The following NTRK2 variants were observed in gnomAD, a reference collection of about 807,000 sequenced individuals.
NTRK2 encodes the protein neurotrophic receptor tyrosine kinase 2, also known as BDNF/NT-3 growth factors receptor.
A neutral mutation model predicts 94.5 loss-of-function variants in NTRK2; 13 were observed. The ratio of observed to expected loss-of-function variants is 0.14; its 90% CI spans 0.09 to 0.22. The LOEUF is 0.22. NTRK2 is among the 10% of genes least tolerant of loss of function. The probability of loss-of-function intolerance (pLI) is 1.00; values close to 1 mark genes in which losing one functional copy is unlikely to be tolerated. For synonymous variants in NTRK2, 372 were observed against 407.4 expected (o/e 0.91, Z 1.05); for missense variants, 639 against 1,071.2 (o/e 0.60, Z 5.63).
intron 12 of NTRK2, 100 bp from the exon 13 acceptor site, chr9:84,860,940 G>T (rs965013919): frequency 7.2e-6 from 4 of 555,910 alleles, no homozygotes; most frequent in South Asian, 3.0e-5. Context: ...TATTTTTGTC[G>T]GGGGGAGTTT....
At chr9:84,735,143 G>A (rs557847681) in intron 9 of NTRK2, among the ~76,000 whole-genome samples, 19 of 152,202 alleles carry the variant, frequency 1.2e-4, no homozygotes, top group African/African-American at 4.3e-4. Flanking sequence ...CCTTGAGGCT[G>A]GGAGTTCCAG....
chr9:84,708,956 G>A (rs2061270853), intron 5 of NTRK2, among the ~76,000 whole-genome samples: 1 of 152,160 alleles, frequency 6.6e-6, no homozygotes, highest in Admixed American at 6.5e-5. Flanking sequence ...AAAATTTTGG[G>A]CAACATTGTG....
intron 14 of NTRK2, among the ~76,000 whole-genome samples, chr9:84,886,217 C>A (rs1216885389): frequency 6.6e-6 from 1 of 152,138 alleles, no homozygotes; most frequent in Non-Finnish European, 1.5e-5. Flanking sequence ...TCAGGTAAAG[C>A]AGTGCCACAC....
chr9:84,782,037 A>AACACACACACACACACACAC (rs58851217), intron 12 of NTRK2, among the ~76,000 whole-genome samples: 9 of 149,550 alleles, frequency 6.0e-5, no homozygotes, highest in African/African-American at 2.2e-4. Context: ...CCTCCAAGAA[A>AACACACACACACACACACAC]ACACACACAC....
At chr9:84,803,740 T>G (rs77553559) in intron 12 of NTRK2, among the ~76,000 whole-genome samples, 84 of 152,126 alleles carry the variant, frequency 5.5e-4, no homozygotes, top group Non-Finnish European at 1.0e-3. Context: ...TCAGGCAGAG[T>G]TGGGTAATTC....
intron 15 of NTRK2, among the ~76,000 whole-genome samples, chr9:84,944,215 TCACACACACACACACACACACA>T (rs56021326): frequency 8.3e-6 from 1 of 120,316 alleles, no homozygotes; most frequent in African/African-American, 3.4e-5. Context: ...TCTCTCTCTC[TCACACACACACACACACACACA>T]CACACACACA....
At chr9:84,769,959 C>G (rs1027188810) in intron 12 of NTRK2, among the ~76,000 whole-genome samples, 1 of 152,158 alleles carries the variant, frequency 6.6e-6, no homozygotes, top group Non-Finnish European at 1.5e-5. Flanking sequence ...CACGTTTCCA[C>G]AGCATTTTCT....
intron 4 of NTRK2, among the ~76,000 whole-genome samples, chr9:84,707,093 A>G (rs1056960152): frequency 1.7e-4 from 26 of 152,154 alleles, no homozygotes; most frequent in African/African-American, 5.3e-4. Context: ...CTACCCCAAA[A>G]TCTCATGACA....
rs141354926 is a variant in NTRK2 at position 84,994,611 on chromosome 9, T to C, written c.2173-25595T>C. On this transcript the variant is annotated intron_variant, in intron 17 of 18. Coordinates refer to ENST00000277120, the MANE Select transcript of NTRK2 (RefSeq NM_006180.6). ...TGCAGCGCTTCCAGACTCTTTAGCATCTCATATCCTCCATCCTGTCACCAT... is the reference window on the plus strand; with the variant it reads ...TGCAGCGCTTCCAGACTCTTTAGCACCTCATATCCTCCATCCTGTCACCAT... 6.0e-3 allele frequency among the ~76,000 whole-genome samples: 918 copies of C among 152,298 alleles called. 5 individuals carry two copies. Among genetic ancestry groups the C allele is most frequent in the Middle Eastern group, 0.01 (3 of 294 alleles).
In NTRK2 at chr9:84,870,331, G is replaced by GTGTGTGTGTGTGTATATA. The variant is rs1349303529; in HGVS notation, c.1633+2901_1633+2902insGTGTGTGTGTGTATATAT. Among the ~76,000 whole-genome samples the GTGTGTGTGTGTGTATATA allele has an allele frequency of 1.3e-3, 41 of 31,178 alleles. 2 individuals are homozygous for GTGTGTGTGTGTGTATATA. The highest frequency in any genetic ancestry group is 8.9e-3 in the East Asian group (8 of 894). The allele number at this position is 31,178 out of a possible 152,430, so 20.5% of individuals were successfully genotyped here. A position where few individuals can be genotyped will look rare whatever the true frequency, so the allele number is the denominator to read the frequency against. ...ATACATATATGTGGGGTGTGTGTGTGTATATATATATATATATATATATAT... is the reference window on the plus strand; with the variant it reads ...ATACATATATGTGGGGTGTGTGTGTGTGTGTGTGTGTGTATATATATATATATATATATATATATATAT... On this transcript the variant is annotated intron_variant, in intron 14 of 18. Coordinates refer to ENST00000277120, the MANE Select transcript of NTRK2 (RefSeq NM_006180.6).
At chr9:84,804,699 T>C (rs552999579) in intron 12 of NTRK2, among the ~76,000 whole-genome samples, 2 of 152,330 alleles carry the variant, frequency 1.3e-5, no homozygotes, top group East Asian at 3.9e-4. Flanking sequence ...TGCATACTCT[T>C]CTGTGATGAC....
intron 15 of NTRK2, among the ~76,000 whole-genome samples, chr9:84,939,705 C>T (rs1386211555): frequency 2.6e-5 from 4 of 152,058 alleles, no homozygotes; most frequent in Non-Finnish European, 5.9e-5. Context: ...ACTGGAAACC[C>T]AACTCAAGCT....
chr9:84,976,861 A>G lies in NTRK2; in HGVS notation c.2172+21344A>G, dbSNP rs540999571. On this transcript the variant is annotated intron_variant, in intron 17 of 18. Coordinates refer to ENST00000277120, the MANE Select transcript of NTRK2 (RefSeq NM_006180.6). ...ATATTCTTGAAATTTGAAGAGGAAA[A>G]TTAGATCATCTATAAATCCATATGA... Among the ~76,000 whole-genome samples, 5 of 152,332 alleles carry G rather than the reference A, an allele frequency of 3.3e-5. No individual in the cohort carries two copies. The South Asian group carries it at 1.0e-3, about 32-fold the overall frequency.
At chr9:84,884,276 A>G (rs1193959657) in intron 14 of NTRK2, among the ~76,000 whole-genome samples, 2 of 152,238 alleles carry the variant, frequency 1.3e-5, no homozygotes, top group Non-Finnish European at 2.9e-5. Context: ...CTTTATTTGT[A>G]TAATATAACC....
At chr9:84,895,075 G>T (rs1235376404) in intron 14 of NTRK2, among the ~76,000 whole-genome samples, 2 of 152,182 alleles carry the variant, frequency 1.3e-5, no homozygotes, top group Admixed American at 6.5e-5. Flanking sequence ...AGTGAAGGGT[G>T]GGGAGACAGC....
At chr9:85,014,937 AT>A (rs1832055980) in intron 17 of NTRK2, among the ~76,000 whole-genome samples, 3 of 151,920 alleles carry the variant, frequency 2.0e-5, no homozygotes, top group East Asian at 1.9e-4. Flanking sequence ...AACCGGATCC[AT>A]TTTTTTTCAG....
chr9:84,984,712 A>T (rs2133259403), intron 17 of NTRK2, among the ~76,000 whole-genome samples: 1 of 152,322 alleles, frequency 6.6e-6, no homozygotes, highest in South Asian at 2.1e-4. Context: ...AATTAACCAC[A>T]GTTCGTTAAG....
intron 12 of NTRK2, among the ~76,000 whole-genome samples, chr9:84,846,255 T>C (rs1240473486): frequency 1.3e-5 from 2 of 152,248 alleles, no homozygotes; most frequent in African/African-American, 2.4e-5. Flanking sequence ...AAAGTACATA[T>C]TTTCGTATTA....
intron 2 of NTRK2, among the ~76,000 whole-genome samples, chr9:84,673,046 A>T (rs1324603074): frequency 2.0e-5 from 3 of 152,190 alleles, no homozygotes; most frequent in Non-Finnish European, 2.9e-5. Context: ...CTAAGTGTTG[A>T]GAACAGGGAA....
Sources: gnomAD v4.1 joint callset for allele counts (sites outside exome capture counted in the v4.1 genomes callset) on GRCh38, gnomAD v4.1.1 for gene constraint, MANE v1.5 for transcripts, NCBI Gene and HGNC (gene_info 2026-07-23, HGNC 2026-07-21) for gene names.